Variants in RNF11 observed in about 807,000 individuals in gnomAD.
RNF11 encodes the protein ring finger protein 11.
RNF11 carries 4 observed loss-of-function variants against 15.8 expected under a neutral mutation model. That is an observed-to-expected ratio of 0.25 (90% CI 0.12 to 0.58). RNF11 has a LOEUF of 0.58. Ranked by LOEUF, RNF11 falls within the 20% of genes least tolerant of loss-of-function variation. RNF11 has a pLI of 0.91. For synonymous variants in RNF11, 68 were observed against 72.3 expected (o/e 0.94, Z 0.30); for missense variants, 139 against 194.4 (o/e 0.71, Z 1.70).
At chr1:51,264,352 G>C (rs956947507) in intron 1 of RNF11, among the ~76,000 whole-genome samples, 15 of 124,624 alleles carry the variant, frequency 1.2e-4, no homozygotes, top group South Asian at 2.7e-4. Flanking sequence ...TTATCAGGAA[G>C]ATAGATGTGA....
intron 1 of RNF11, among the ~76,000 whole-genome samples, chr1:51,257,915 G>A (rs1263592732): frequency 1.5e-5 from 2 of 133,874 alleles, no homozygotes; most frequent in African/African-American, 5.8e-5. Flanking sequence ...GTACAGTGGT[G>A]CAATCTTGGC....
chr1:51,244,136 C>G (rs1646841755), intron 1 of RNF11, among the ~76,000 whole-genome samples: 1 of 152,196 alleles, frequency 6.6e-6, no homozygotes, highest in Admixed American at 6.5e-5. Flanking sequence ...CACATCTGCT[C>G]TTTTAGAATT....
intron 1 of RNF11, among the ~76,000 whole-genome samples, chr1:51,259,145 T>G (rs1646918751): frequency 6.6e-6 from 1 of 152,212 alleles, no homozygotes; most frequent in Non-Finnish European, 1.5e-5. Flanking sequence ...TCTAGAGACA[T>G]TTTTTGGTTG....
chr1:51,264,207 C>T (rs1557682210), intron 1 of RNF11, among the ~76,000 whole-genome samples: 2 of 134,476 alleles, frequency 1.5e-5, no homozygotes. Flanking sequence ...CTGCAGTGAG[C>T]CAAGATTGTG....
chr1:51,264,311 T>TAC (rs1646945468), intron 1 of RNF11, among the ~76,000 whole-genome samples: 2 of 101,932 alleles, frequency 2.0e-5, no homozygotes, highest in Non-Finnish European at 1.8e-5. Flanking sequence ...TATATATATA[T>TAC]ATATATACAC....
At chr1:51,264,333 C>G (rs1464539695) in intron 1 of RNF11, among the ~76,000 whole-genome samples, 1 of 127,292 alleles carries the variant, frequency 7.9e-6, no homozygotes, top group Non-Finnish European at 1.6e-5. Flanking sequence ...CACACACACA[C>G]ACACACATTT....
chr1:51,258,452 C>CTA (rs892392744), intron 1 of RNF11, among the ~76,000 whole-genome samples: 2 of 152,048 alleles, frequency 1.3e-5, no homozygotes, highest in African/African-American at 2.4e-5. Flanking sequence ...GTCACAGGAG[C>CTA]CTCTAGGAGT....
At chr1:51,250,532 G>A in intron 1 of RNF11, 1 of 558,112 alleles carries the variant, frequency 1.8e-6, no homozygotes, top group Non-Finnish European at 3.2e-6. Flanking sequence ...TGGAATTTTT[G>A]TTTGAGATTT....
chr1:51,248,541 C>T (rs1054698015), intron 1 of RNF11, among the ~76,000 whole-genome samples: 6 of 152,100 alleles, frequency 3.9e-5, no homozygotes, highest in Non-Finnish European at 7.4e-5. Flanking sequence ...GTTTTAAGCT[C>T]AACGGGGAAA....
chr1:51,242,890 G>A (rs1014031714), intron 1 of RNF11, among the ~76,000 whole-genome samples: 3 of 152,094 alleles, frequency 2.0e-5, no homozygotes, highest in East Asian at 1.9e-4. Flanking sequence ...TTTATTTCAC[G>A]TATCTAGGCC....
In RNF11 at chr1:51,250,760, G is replaced by A. The variant is rs111456899; in HGVS notation, c.123+13881G>A. The A allele has an allele frequency of 3.1e-3, 4,311 of 1,391,086 alleles. 105 individuals carry two copies. In the African/African-American group the frequency reaches 0.053, roughly 17 times the overall value. The allele number at this position is 1,391,086 out of a possible 1,614,324, so 86.2% of individuals were successfully genotyped here. A position where few individuals can be genotyped will look rare whatever the true frequency, so the allele number is the denominator to read the frequency against. ...TGTAGGTCTTAGAAATGGCATCAAA[G>A]GTGGCCTTGGCGAAGTTGCCCAGGG... is the stretch of plus-strand genomic sequence containing the variant. On this transcript the variant is annotated intron_variant, in intron 1 of 2. Transcript: ENST00000242719.
intron 1 of RNF11, among the ~76,000 whole-genome samples, chr1:51,243,498 G>T (rs1047597502): frequency 6.6e-6 from 1 of 152,122 alleles, no homozygotes; most frequent in South Asian, 2.1e-4. Context: ...GAGTGCAGTG[G>T]TGCCACCTCA....
At chr1:51,239,514 C>T (rs1182072598) in intron 1 of RNF11, among the ~76,000 whole-genome samples, 2 of 152,026 alleles carry the variant, frequency 1.3e-5, no homozygotes, top group Non-Finnish European at 2.9e-5. Flanking sequence ...TAAGATCTGT[C>T]TTAGGAATGG....
chr1:51,245,478 GTCT>G (rs1646847655), intron 1 of RNF11, among the ~76,000 whole-genome samples: 1 of 151,020 alleles, frequency 6.6e-6, no homozygotes, highest in African/African-American at 2.4e-5. Context: ...TGGAGATGGA[GTCT>G]TACTCCATCG....
intron 1 of RNF11, among the ~76,000 whole-genome samples, chr1:51,266,451 T>C (rs991447617): frequency 4.6e-5 from 7 of 152,272 alleles, no homozygotes; most frequent in African/African-American, 1.7e-4. Context: ...CTTATTGTTA[T>C]TTAATCCAAA....
chr1:51,269,999 C>T lies in RNF11; in HGVS notation c.167C>T (p.Thr56Ile), dbSNP rs760509876. 1.2e-6 allele frequency: 2 copies of T among 1,613,506 alleles called. No individual in the cohort carries two copies. Among genetic ancestry groups the T allele is most frequent in the Admixed American group, 1.7e-5 (1 of 60,012 alleles). Residue 56 changes from threonine (T) to isoleucine (I), a missense_variant, in exon 2 of 3, where the codon ACT (threonine) becomes ATT (isoleucine). Transcript: ENST00000242719. The part of the protein sequence containing the change: ...VPVYHPTPSQ[T>I]RLATQLTEEE... The stretch of plus-strand genomic sequence containing the variant: ...GTCTACCACCCAACACCTAGCCAGA[C>T]TCGGCTAGCAACTCAGCTGACTGAA...
intron 1 of RNF11, among the ~76,000 whole-genome samples, chr1:51,243,715 A>G (rs1243935587): frequency 3.9e-5 from 6 of 152,256 alleles, no homozygotes; most frequent in South Asian, 4.1e-4. Context: ...CTGGGATTAC[A>G]GGCGTGAGCC....
At chr1:51,262,090 G>A (rs1646933113) in intron 1 of RNF11, among the ~76,000 whole-genome samples, 1 of 152,016 alleles carries the variant, frequency 6.6e-6, no homozygotes, top group Admixed American at 6.5e-5. Flanking sequence ...CCTGGTCTCA[G>A]GTGATCCACC....
intron 1 of RNF11, among the ~76,000 whole-genome samples, chr1:51,242,687 T>C (rs1419195822): frequency 6.6e-6 from 1 of 152,108 alleles, no homozygotes; most frequent in Non-Finnish European, 1.5e-5. Context: ...AGTTTCGAAC[T>C]CCTGGGCTCA....
Sources: allele counts gnomAD v4.1 joint callset (sites outside exome capture counted in the v4.1 genomes callset), GRCh38; gene constraint gnomAD v4.1.1; transcripts MANE v1.5; gene names NCBI Gene and HGNC (gene_info 2026-07-23, HGNC 2026-07-21).